KMT2C: variants seen among roughly 807,000 people sequenced by gnomAD.
KMT2C encodes histone-lysine N-methyltransferase 2C.
KMT2C carries 88 observed loss-of-function variants against 507.9 expected under a neutral mutation model. The ratio of observed to expected loss-of-function variants is 0.17; its 90% confidence interval spans 0.15 to 0.21. The LOEUF (loss-of-function observed/expected upper bound fraction) is 0.21, where lower values mean the gene tolerates loss of function less well. Among genes scored for constraint, KMT2C ranks in the 10% least tolerant of loss-of-function variants. The pLI is 1.00. For synonymous variants in KMT2C, 2,049 were observed against 2,080.8 expected (o/e 0.98, Z 0.42); for missense variants, 4,954 against 5,957.8 (o/e 0.83, Z 5.55).
chr7:152,409,198 G>A (rs2097654818), intron 1 of KMT2C, among the ~76,000 whole-genome samples: 1 of 151,430 alleles, frequency 6.6e-6, no homozygotes, highest in Non-Finnish European at 1.5e-5. Flanking sequence ...TTAGGGTCAG[G>A]GTCTCACTAT....
intron 54 of KMT2C, 46 bp downstream of exon 54, chr7:152,145,107 C>T (rs143527029): frequency 1.9e-5 from 30 of 1,586,950 alleles, no homozygotes; most frequent in African/African-American, 9.5e-5. Context: ...ACCACTAATA[C>T]GCCTAGAAAC....
At chr7:152,433,343 T>G (rs1590031840) in intron 1 of KMT2C, among the ~76,000 whole-genome samples, 2 of 152,220 alleles carry the variant, frequency 1.3e-5, no homozygotes, top group East Asian at 3.8e-4. Context: ...ACACATAAGT[T>G]TCACTTTCAG....
intron 1 of KMT2C, 31 bp downstream of exon 1, chr7:152,435,595 T>C (rs2116820709): frequency 1.5e-6 from 2 of 1,379,042 alleles, no homozygotes; most frequent in South Asian, 1.4e-5. Context: ...CGCCGCTGGC[T>C]CCCGGCCTGG....
At chr7:152,158,002 C>T in intron 44 of KMT2C, 1 of 1,059,578 alleles carries the variant, frequency 9.4e-7, no homozygotes, top group Non-Finnish European at 1.2e-6. Flanking sequence ...AGACCCGAAG[C>T]AACTTTGTTG....
At chr7:152,415,928 C>T (rs2097730777) in intron 1 of KMT2C, among the ~76,000 whole-genome samples, 2 of 152,058 alleles carry the variant, frequency 1.3e-5, no homozygotes, top group Non-Finnish European at 2.9e-5. Context: ...TCCTACTAAT[C>T]AAGTAAGTAA....
chr7:152,251,131 A>T (rs951133819), intron 11 of KMT2C, among the ~76,000 whole-genome samples, 165 bp from the exon 12 acceptor site: 5 of 152,202 alleles, frequency 3.3e-5, no homozygotes, highest in African/African-American at 1.2e-4. Flanking sequence ...TTACATTTTT[A>T]AAAAACATGA....
chr7:152,228,782 GAAGAA>G (rs2095016184), intron 18 of KMT2C, among the ~76,000 whole-genome samples: 1 of 152,116 alleles, frequency 6.6e-6, no homozygotes, highest in Admixed American at 6.5e-5. Flanking sequence ...AAAGTACAAA[GAAGAA>G]AAGAAACATG....
At chr7:152,236,645 T>C (rs1366443278) in intron 15 of KMT2C, among the ~76,000 whole-genome samples, 1 of 152,226 alleles carries the variant, frequency 6.6e-6, no homozygotes, top group Non-Finnish European at 1.5e-5. Context: ...GAACTCAACA[T>C]TTCTACCTCA....
intron 3 of KMT2C, among the ~76,000 whole-genome samples, chr7:152,319,272 A>G (rs184298846): frequency 6.6e-6 from 1 of 152,204 alleles, no homozygotes; most frequent in African/African-American, 2.4e-5. Flanking sequence ...ATACATGAAT[A>G]TCATTAATCA....
intron 55 of KMT2C, among the ~76,000 whole-genome samples, chr7:152,141,712 C>CAAAAAAAAAAAAAA (rs1249621681): frequency 1.5e-4 from 9 of 61,876 alleles, no homozygotes; most frequent in African/African-American, 5.2e-4. Context: ...GACTCTGTCT[C>CAAAAAAAAAAAAAA]AAAAAAAAAA....
chr7:152,369,054 G>T (rs1002610366), intron 1 of KMT2C, among the ~76,000 whole-genome samples: 1 of 152,128 alleles, frequency 6.6e-6, no homozygotes, highest in East Asian at 1.9e-4. Context: ...CAGGAGCAGT[G>T]GCTCACACCT....
At chr7:152,406,933 G>GAGAAGATAGTTGAAGGGGACTGCTGT (rs377681561) in intron 1 of KMT2C, among the ~76,000 whole-genome samples, 6,367 of 148,652 alleles carry the variant, frequency 0.043, no homozygotes, top group Non-Finnish European at 0.055. Flanking sequence ...TCTTGGGAAG[G>GAGAAGATAGTTGAAGGGGACTGCTGT]AGTATTAAGG....
chr7:152,149,092 G>A lies in KMT2C; in HGVS notation c.12835C>T (p.Gln4279Ter), dbSNP rs2091392326. ...MRETPSKAFH[Q>*]YSNNISTLDV... ...AAAGTGGAGATGTTGTTGCTGTACT[G>A]ATGAAATGCTTTGGAAGGCGTTTCT... The change falls in exon 52 of 59, where the codon CAG (glutamine) becomes TAG (stop). Residue 4279 changes from glutamine (Q) to a stop codon, truncating the protein, a stop_gained. Transcript: ENST00000262189. LOFTEE classifies it high-confidence loss of function. The A allele has an allele frequency of 1.3e-6, 2 of 1,503,608 alleles. No homozygotes were observed. Among genetic ancestry groups the A allele is most frequent in the South Asian group, 1.4e-5 (1 of 69,650 alleles). The allele number at this position is 1,503,608 out of a possible 1,614,324, so 93.1% of individuals were successfully genotyped here. A position where few individuals can be genotyped will look rare whatever the true frequency, so the allele number is the denominator to read the frequency against.
At chr7:152,395,269 C>T (rs2097530422) in intron 1 of KMT2C, among the ~76,000 whole-genome samples, 1 of 152,006 alleles carries the variant, frequency 6.6e-6, no homozygotes, top group African/African-American at 2.4e-5. Flanking sequence ...ACTGCATTCT[C>T]GACCTTTTGG....
At chr7:152,171,116 C>T in intron 40 of KMT2C, 148 bp downstream of exon 40, 1 of 451,010 alleles carries the variant, frequency 2.2e-6, no homozygotes, top group Non-Finnish European at 3.9e-6. Context: ...GCGGTTTTTG[C>T]CACTGGCAAA....
intron 31 of KMT2C, among the ~76,000 whole-genome samples, chr7:152,189,838 T>C (rs955582859): frequency 4.6e-5 from 7 of 152,284 alleles, no homozygotes; most frequent in Admixed American, 6.5e-5. Context: ...GAATGCCACA[T>C]CTATTTTCAA....
intron 18 of KMT2C, among the ~76,000 whole-genome samples, chr7:152,226,218 C>CATTTTTTT (rs1563479395): frequency 7.8e-6 from 1 of 128,002 alleles, no homozygotes; most frequent in African/African-American, 3.2e-5. Context: ...CATTACAAGG[C>CATTTTTTT]CTTTTTTTTT....
rs75541529 is a variant in KMT2C at position 152,192,112 on chromosome 7, A to G, written c.4660+1897T>C. Among the ~76,000 whole-genome samples the G allele has an allele frequency of 4.0e-5, 6 of 151,832 alleles. No homozygotes were observed. The East Asian group carries it at 7.7e-4, about 20-fold the overall frequency. Reference sequence around the variant, plus strand: ...GAGACTGCACAATGAAGTGATTTTCATAATGATTGTAAGATGTTTTTTATA... The same window carrying G: ...GAGACTGCACAATGAAGTGATTTTCGTAATGATTGTAAGATGTTTTTTATA... On this transcript the variant is annotated intron_variant, in intron 31 of 58. Coordinates refer to ENST00000262189, the MANE Select transcript of KMT2C (RefSeq NM_170606.3).
At chr7:152,396,607 A>T (rs2097539557) in intron 1 of KMT2C, among the ~76,000 whole-genome samples, 1 of 152,236 alleles carries the variant, frequency 6.6e-6, no homozygotes, top group Non-Finnish European at 1.5e-5. Context: ...GACTTTAGGG[A>T]TACCAAAAAG....
Sources: gnomAD v4.1 joint callset for allele counts (sites outside exome capture counted in the v4.1 genomes callset) on GRCh38, gnomAD v4.1.1 for gene constraint, MANE v1.5 for transcripts, NCBI Gene and HGNC (gene_info 2026-07-23, HGNC 2026-07-21) for gene names.